Variants in FBXL7 observed in about 807,000 individuals in gnomAD.
FBXL7 encodes the protein F-box and leucine rich repeat protein 7.
In FBXL7, 12 loss-of-function variants were observed where a neutral mutation model predicts 38.3. The ratio of observed to expected loss-of-function variants is 0.31; its 90% CI spans 0.20 to 0.51. The LOEUF is 0.51. Ranked by LOEUF, FBXL7 falls within the 20% of genes least tolerant of loss-of-function variation. FBXL7 has a pLI of 0.98. For synonymous variants in FBXL7, 297 were observed against 300.9 expected, an observed-to-expected ratio of 0.99 and a Z score of 0.13; for missense variants, 567 against 676.4, an observed-to-expected ratio of 0.84 and a Z score of 1.79.
intron 1 of FBXL7, among the ~76,000 whole-genome samples, chr5:15,587,138 C>T (rs548836564): frequency 3.5e-4 from 54 of 152,308 alleles, no homozygotes; most frequent in Admixed American, 2.4e-3. Flanking sequence ...CCTGTGACTT[C>T]TACATTCATA....
chr5:15,548,911 G>A (rs984655300), intron 1 of FBXL7, among the ~76,000 whole-genome samples: 1 of 152,198 alleles, frequency 6.6e-6, no homozygotes, highest in African/African-American at 2.4e-5. Flanking sequence ...GTGGGCACGG[G>A]GGTGACTGCA....
intron 2 of FBXL7, among the ~76,000 whole-genome samples, chr5:15,854,666 C>T (rs1411343299): frequency 1.3e-5 from 2 of 152,140 alleles, no homozygotes; most frequent in Non-Finnish European, 1.5e-5. Context: ...TACTTTCTCA[C>T]GCACTCTCCC....
chr5:15,934,114 C>T (rs972619246), intron 3 of FBXL7, among the ~76,000 whole-genome samples: 6 of 152,140 alleles, frequency 3.9e-5, no homozygotes, highest in African/African-American at 9.7e-5. Context: ...AAGCAATTCT[C>T]GTGCCTCAGC....
chr5:15,511,305 A>G (rs1388208648), intron 1 of FBXL7, among the ~76,000 whole-genome samples: 1 of 152,206 alleles, frequency 6.6e-6, no homozygotes, highest in African/African-American at 2.4e-5. Flanking sequence ...TATTCTTTAG[A>G]GTTCACAGAG....
At chr5:15,823,255 A>G (rs1189689929) in intron 2 of FBXL7, among the ~76,000 whole-genome samples, 2 of 152,186 alleles carry the variant, frequency 1.3e-5, no homozygotes, top group African/African-American at 4.8e-5. Flanking sequence ...ACTGAGTCCA[A>G]TGTGTGTCAA....
At chr5:15,819,152 C>T (rs1561138845) in intron 2 of FBXL7, among the ~76,000 whole-genome samples, 1 of 152,186 alleles carries the variant, frequency 6.6e-6, no homozygotes, top group Non-Finnish European at 1.5e-5. Flanking sequence ...ATCTCTGTCG[C>T]AGCTACTCCA....
chr5:15,574,575 G>A (rs778336530), intron 1 of FBXL7, among the ~76,000 whole-genome samples: 47 of 152,196 alleles, frequency 3.1e-4, no homozygotes, highest in African/African-American at 3.1e-4. Context: ...CAGTAGCTTC[G>A]TTATTCATGG....
intron 1 of FBXL7, among the ~76,000 whole-genome samples, chr5:15,567,141 GT>G (rs1156332244): frequency 6.6e-6 from 1 of 152,062 alleles, no homozygotes; most frequent in African/African-American, 2.4e-5. Flanking sequence ...ATTTGCTGGA[GT>G]TTTTTTCCTA....
chr5:15,882,617 A>G (rs937572659), intron 2 of FBXL7, among the ~76,000 whole-genome samples: 1 of 152,226 alleles, frequency 6.6e-6, no homozygotes, highest in Non-Finnish European at 1.5e-5. Flanking sequence ...AGAAACAGAA[A>G]TACATCTGTG....
At chr5:15,868,930 AC>A (rs1322369191) in intron 2 of FBXL7, among the ~76,000 whole-genome samples, 1 of 152,040 alleles carries the variant, frequency 6.6e-6, no homozygotes, top group Non-Finnish European at 1.5e-5. Flanking sequence ...GTAACAAATC[AC>A]CCCAAAACTA....
In FBXL7 at chr5:15,730,741, C is replaced by T. The variant is rs144470968; in HGVS notation, c.127+114669C>T. Among the ~76,000 whole-genome samples, 354 of 152,256 alleles carry T rather than the reference C, an allele frequency of 2.3e-3. 3 individuals are homozygous for T. Among genetic ancestry groups the T allele is most frequent in the African/African-American group, 8.1e-3 (338 of 41,554 alleles). On this transcript the variant is annotated intron_variant, in intron 2 of 3. Coordinates refer to ENST00000504595, the MANE Select transcript of FBXL7 (RefSeq NM_012304.5). Reference sequence around the variant, plus strand: ...TTTATTTCTAGGGCATATTGCCATGCACAATTAGATATATGATACAAAGGG... The same window carrying T: ...TTTATTTCTAGGGCATATTGCCATGTACAATTAGATATATGATACAAAGGG...
chr5:15,661,876 T>G (rs192048075), intron 2 of FBXL7, among the ~76,000 whole-genome samples: 43 of 152,370 alleles, frequency 2.8e-4, no homozygotes, highest in Non-Finnish European at 6.0e-4. Context: ...GTTCTTTTTA[T>G]GGCTGCATAA....
chr5:15,580,942 C>A (rs1282156514), intron 1 of FBXL7: 1 of 385,618 alleles, frequency 2.6e-6, no homozygotes, highest in Non-Finnish European at 3.6e-6. Context: ...CAGCAGAGGC[C>A]TCTCTCTAGA....
chr5:15,686,374 A>G lies in FBXL7; in HGVS notation c.127+70302A>G, dbSNP rs1439853563. ...TAGAGCACATTCCTTTACATGATTA[A>G]CTGTTGTTAAATTAATTTGACAGCA... is the stretch of plus-strand genomic sequence containing the variant. On this transcript the variant is annotated intron_variant, in intron 2 of 3. Coordinates refer to ENST00000504595, the MANE Select transcript of FBXL7 (RefSeq NM_012304.5). Among the ~76,000 whole-genome samples, 3 of 152,148 alleles carry G rather than the reference A, an allele frequency of 2.0e-5. No homozygotes were observed. In the East Asian group the frequency reaches 5.8e-4, roughly 29 times the overall value.
At chr5:15,931,734 G>A (rs974648158) in intron 3 of FBXL7, among the ~76,000 whole-genome samples, 1 of 152,060 alleles carries the variant, frequency 6.6e-6, no homozygotes, top group African/African-American at 2.4e-5. Flanking sequence ...CATCTTATCT[G>A]CATGTCCCAA....
intron 2 of FBXL7, among the ~76,000 whole-genome samples, chr5:15,763,359 A>G (rs1456226331): frequency 1.3e-5 from 2 of 152,208 alleles, no homozygotes; most frequent in Non-Finnish European, 2.9e-5. Context: ...AAAGTCAGCT[A>G]TTGTTACTTA....
At chr5:15,852,852 A>G (rs949455937) in intron 2 of FBXL7, among the ~76,000 whole-genome samples, 23 of 152,204 alleles carry the variant, frequency 1.5e-4, no homozygotes, top group African/African-American at 5.5e-4. Context: ...TATGGAGCTT[A>G]CTAGAGGCAA....
chr5:15,764,883 A>G (rs187776581), intron 2 of FBXL7, among the ~76,000 whole-genome samples: 1 of 152,382 alleles, frequency 6.6e-6, no homozygotes, highest in Non-Finnish European at 1.5e-5. Context: ...GCCAGATTGT[A>G]AATATTTTAG....
chr5:15,745,253 T>G lies in FBXL7; in HGVS notation c.127+129181T>G, dbSNP rs189744019. 9.8e-5 allele frequency among the ~76,000 whole-genome samples: 15 copies of G among 152,318 alleles called. 1 individual carries two copies. The Middle Eastern group carries it at 0.014, about 138-fold the overall frequency. On this transcript the variant is annotated intron_variant, in intron 2 of 3. Coordinates refer to ENST00000504595, the MANE Select transcript of FBXL7 (RefSeq NM_012304.5). ...AAAAAAAAGGAATAAAATGAATGAA[T>G]GAGTGATAATCCTAGGTAGCAAAAC...
Sources: gnomAD v4.1 joint callset for allele counts (sites outside exome capture counted in the v4.1 genomes callset) on GRCh38, gnomAD v4.1.1 for gene constraint, MANE v1.5 for transcripts, NCBI Gene and HGNC (gene_info 2026-07-23, HGNC 2026-07-21) for gene names.